ERGIC1: variants seen among roughly 807,000 people sequenced by gnomAD.
The protein encoded by ERGIC1 is endoplasmic reticulum-Golgi intermediate compartment protein 1.
ERGIC1 carries 19 observed loss-of-function variants against 38.3 expected under a neutral mutation model. The observed-to-expected ratio is 0.50, with a 90% CI of 0.35 to 0.73. The LOEUF is 0.73. ERGIC1 is among the 30% of genes least tolerant of loss of function. The pLI is 0.01. For synonymous variants in ERGIC1, 124 were observed against 157.6 expected, an observed-to-expected ratio of 0.79 and a Z score of 1.60; for missense variants, 294 against 389.2, an observed-to-expected ratio of 0.76 and a Z score of 2.06.
intron 1 of ERGIC1, among the ~76,000 whole-genome samples, chr5:172,849,811 G>A (rs1242038403): frequency 6.6e-6 from 1 of 152,190 alleles, no homozygotes; most frequent in Non-Finnish European, 1.5e-5. Context: ...TGGAAGGCAG[G>A]GAGGAAGGAA....
chr5:172,945,405 G>A (rs1764099662), intron 9 of ERGIC1, among the ~76,000 whole-genome samples: 1 of 152,220 alleles, frequency 6.6e-6, no homozygotes, highest in Admixed American at 6.5e-5. Flanking sequence ...TTGCGGTCCT[G>A]TTCCTGTATG....
intron 7 of ERGIC1, among the ~76,000 whole-genome samples, chr5:172,929,153 A>ATATGTGTGTG (rs377203066): frequency 6.7e-6 from 1 of 149,956 alleles, no homozygotes; most frequent in African/African-American, 2.5e-5. Context: ...ATATATATAT[A>ATATGTGTGTG]TGTGTGTGTG....
chr5:172,860,287 G>A (rs1464741778), intron 1 of ERGIC1, among the ~76,000 whole-genome samples: 1 of 152,208 alleles, frequency 6.6e-6, no homozygotes, highest in Non-Finnish European at 1.5e-5. Flanking sequence ...AAGGACTTTG[G>A]TGATGGTGAT....
intron 2 of ERGIC1, among the ~76,000 whole-genome samples, chr5:172,892,657 T>C (rs981525400): frequency 6.6e-6 from 1 of 152,172 alleles, no homozygotes; most frequent in Non-Finnish European, 1.5e-5. Flanking sequence ...TGCCCAAACA[T>C]GGACTGAAAA....
intron 3 of ERGIC1, 96 bp downstream of exon 3, chr5:172,897,170 T>G: frequency 8.4e-7 from 1 of 1,190,616 alleles, no homozygotes; most frequent in Non-Finnish European, 1.2e-6. Flanking sequence ...GGCTAACACC[T>G]GTAATCCCAA....
chr5:172,915,897 A>G, intron 5 of ERGIC1: 1 of 289,914 alleles, frequency 3.4e-6, no homozygotes. Context: ...CACTGGCCAC[A>G]TCCAGCCCAA....
intron 1 of ERGIC1, among the ~76,000 whole-genome samples, chr5:172,879,504 C>T (rs1406169913): frequency 1.3e-5 from 2 of 152,246 alleles, no homozygotes; most frequent in East Asian, 1.9e-4. Flanking sequence ...GTACTTACCA[C>T]GCCCTTACAG....
chr5:172,897,293 G>T (rs1399445430), intron 3 of ERGIC1, among the ~76,000 whole-genome samples: 2 of 152,118 alleles, frequency 1.3e-5, no homozygotes, highest in Non-Finnish European at 1.5e-5. Flanking sequence ...GCTGGGCGTG[G>T]TGGCGGGCAC....
chr5:172,905,406 G>C (rs568948195), intron 3 of ERGIC1: 3 of 459,224 alleles, frequency 6.5e-6, no homozygotes, highest in Non-Finnish European at 1.4e-5. Context: ...TGTTACCGGC[G>C]GGTCTTTGTT....
At chr5:172,836,409 C>G (rs1457715568) in intron 1 of ERGIC1, among the ~76,000 whole-genome samples, 1 of 152,170 alleles carries the variant, frequency 6.6e-6, no homozygotes, top group East Asian at 1.9e-4. Flanking sequence ...CCTGAGTGCC[C>G]AGGTGTCAGG....
At chr5:172,878,742 C>T (rs935640621) in intron 1 of ERGIC1, among the ~76,000 whole-genome samples, 2 of 152,110 alleles carry the variant, frequency 1.3e-5, no homozygotes, top group African/African-American at 4.8e-5. Context: ...CTAGGGCTCC[C>T]TCCCGCCTGC....
intron 2 of ERGIC1, among the ~76,000 whole-genome samples, chr5:172,896,296 T>C (rs940422516): frequency 6.6e-5 from 10 of 152,178 alleles, no homozygotes; most frequent in Non-Finnish European, 1.3e-4. Context: ...TGAGCCGAGA[T>C]TGCGCCACTG....
intron 3 of ERGIC1, chr5:172,905,502 G>A (rs1015016526): frequency 3.3e-5 from 15 of 457,544 alleles, no homozygotes; most frequent in East Asian, 7.0e-5. Flanking sequence ...ATTGGAAGCC[G>A]TGGGTCACGG....
At chr5:172,919,154 A>G (rs1763449218) in intron 5 of ERGIC1, among the ~76,000 whole-genome samples, 1 of 152,188 alleles carries the variant, frequency 6.6e-6, no homozygotes, top group Admixed American at 6.5e-5. Context: ...TCAGGTAAAC[A>G]GGAAATATGT....
chr5:172,912,086 T>G (rs1359922050), intron 4 of ERGIC1, among the ~76,000 whole-genome samples: 1 of 151,830 alleles, frequency 6.6e-6, no homozygotes, highest in Non-Finnish European at 1.5e-5. Context: ...CTTTTTTTTT[T>G]TTTTTCTAGC....
rs902686282 is a variant in ERGIC1 at position 172,950,987 on chromosome 5, C to G, written c.*171C>G. ...CGATGTTTTGCAGCTACCTCTTTTC[C>G]CCGTGTTTCTTTTTAGACAAATTAC... On this transcript the variant is annotated 3_prime_UTR_variant, in exon 10 of 10. Coordinates refer to ENST00000393784, the MANE Select transcript of ERGIC1 (RefSeq NM_001031711.3). 3 of 539,666 alleles carry G rather than the reference C, an allele frequency of 5.6e-6. No homozygotes were observed. Among genetic ancestry groups the G allele is most frequent in the African/African-American group, 3.9e-5 (2 of 51,512 alleles). The allele number at this position is 539,666 out of a possible 1,614,324, so 33.4% of individuals were successfully genotyped here.
chr5:172,840,143 C>T (rs1394168268), intron 1 of ERGIC1, among the ~76,000 whole-genome samples: 1 of 147,352 alleles, frequency 6.8e-6, no homozygotes, highest in African/African-American at 2.5e-5. Context: ...CCTCGAGGGG[C>T]TCAGTTTTCC....
At chr5:172,856,785 G>A (rs77117816) in intron 1 of ERGIC1, among the ~76,000 whole-genome samples, 1,951 of 152,318 alleles carry the variant, frequency 0.013, 14 homozygotes, top group Non-Finnish European at 0.021. Flanking sequence ...TCATGGAGAC[G>A]GAAGACAGAC....
Position 172,914,743 on chromosome 5 carries a change from G to C in ERGIC1, c.280G>C (p.Gly94Arg). Reference protein sequence around the residue: ...LVGLDIQDEMGRHEVGHIDNS... With the variant: ...LVGLDIQDEMRRHEVGHIDNS... Reference sequence around the variant, plus strand: ...TGGGCTTGACATTCAGGATGAGATGGGCAGGCACGAAGTGGGCCACATCGA... The same window carrying C: ...TGGGCTTGACATTCAGGATGAGATGCGCAGGCACGAAGTGGGCCACATCGA... Residue 94 changes from glycine (G) to arginine (R), a missense_variant, in exon 5 of 10, where the codon GGC becomes CGC. Physicochemically the swap from Gly to Arg is moderately radical, Grantham distance 125 (BLOSUM62 -2). This residue lies in a region of ERGIC1 where 163 missense variants were observed against 225.8 expected (regional missense o/e 0.72). Coordinates refer to ENST00000393784, the MANE Select transcript of ERGIC1 (RefSeq NM_001031711.3). 1 of 1,614,142 alleles carries C rather than the reference G, an allele frequency of 6.2e-7. No homozygotes were observed. Among genetic ancestry groups the C allele is most frequent in the Non-Finnish European group, 8.5e-7 (1 of 1,180,028 alleles).
Sources: gnomAD v4.1 joint callset for allele counts (sites outside exome capture counted in the v4.1 genomes callset) on GRCh38, gnomAD v4.1.1 for gene constraint, gnomAD v4.1.1 regional missense constraint, MANE v1.5 for transcripts, NCBI Gene and HGNC (gene_info 2026-07-23, HGNC 2026-07-21) for gene names.